PTPN1: variants seen among roughly 807,000 people sequenced by gnomAD.
PTPN1 encodes the protein protein tyrosine phosphatase non-receptor type 1.
PTPN1 carries 12 observed loss-of-function variants against 59.9 expected under a neutral mutation model. The observed-to-expected ratio is 0.20, with a 90% CI of 0.13 to 0.32. The LOEUF (loss-of-function observed/expected upper bound fraction) is 0.32. PTPN1 is among the 10% of genes least tolerant of loss of function. The probability of loss-of-function intolerance (pLI) is 1.00; values close to 1 mark genes in which losing one functional copy is unlikely to be tolerated. For synonymous variants in PTPN1, 178 were observed against 203.6 expected, an observed-to-expected ratio of 0.87 and a Z score of 1.07; for missense variants, 356 against 549.2, an observed-to-expected ratio of 0.65 and a Z score of 3.52.
At chr20:50,525,475 A>G (rs1395770103) in intron 1 of PTPN1, among the ~76,000 whole-genome samples, 1 of 152,240 alleles carries the variant, frequency 6.6e-6, no homozygotes, top group African/African-American at 2.4e-5. Context: ...ATATAGAAGC[A>G]GTCTCTCTGC....
chr20:50,528,721 A>T (rs1407997124), intron 1 of PTPN1, among the ~76,000 whole-genome samples: 1 of 151,052 alleles, frequency 6.6e-6, no homozygotes, highest in Non-Finnish European at 1.5e-5. Context: ...CTTAAAAAAA[A>T]AAAAGACTCC....
In PTPN1 at chr20:50,583,624, T is replaced by C. The variant is rs1025124861; in HGVS notation, c.*909T>C. The C allele has an allele frequency of 6.6e-6, 1 of 152,370 alleles. No individual in the cohort carries two copies. The highest frequency in any genetic ancestry group is 2.1e-4 in the South Asian group (1 of 4,836). 9.4% of individuals were successfully genotyped at this position (152,370 alleles called of 1,614,324 possible). A position where few individuals can be genotyped will look rare whatever the true frequency, so the allele number is the denominator to read the frequency against. On this transcript the variant is annotated 3_prime_UTR_variant, in exon 10 of 10. Transcript: ENST00000371621. ...GCCTGTGCATGACCTGATCATTACA[T>C]GGCTGTGGTTCCTAAGCCTGTTGCT...
intron 1 of PTPN1, among the ~76,000 whole-genome samples, chr20:50,531,480 T>C (rs1271726987): frequency 6.6e-6 from 1 of 151,990 alleles, no homozygotes; most frequent in Non-Finnish European, 1.5e-5. Context: ...GAGTTCAAGC[T>C]ATTCTCCTGC....
At chr20:50,547,743 C>T (rs542873009) in intron 1 of PTPN1, among the ~76,000 whole-genome samples, 2 of 152,184 alleles carry the variant, frequency 1.3e-5, no homozygotes, top group South Asian at 2.1e-4. Context: ...GATAGGATAC[C>T]CCATTTCTAG....
At chr20:50,569,647 C>CCTGTGTAGATTGT (rs1203690379) in intron 4 of PTPN1, among the ~76,000 whole-genome samples, 1 of 151,890 alleles carries the variant, frequency 6.6e-6, no homozygotes, top group Non-Finnish European at 1.5e-5. Flanking sequence ...TGTAGACTGT[C>CCTGTGTAGATTGT]CTGTGTAGAT....
At chr20:50,515,966 G>C (rs1351917095) in intron 1 of PTPN1, among the ~76,000 whole-genome samples, 1 of 152,164 alleles carries the variant, frequency 6.6e-6, no homozygotes, top group Non-Finnish European at 1.5e-5. Context: ...GCCAGTAGAA[G>C]CTGATACCAC....
chr20:50,510,523 C>G lies in PTPN1; in HGVS notation c.-5C>G, dbSNP rs1375361554. ...AAGGAGGCGCAGCAGCCGCCCTGGC[C>G]CGTCATGGAGATGGAAAAGGAGTTC... is the stretch of plus-strand genomic sequence containing the variant. On this transcript the variant is annotated 5_prime_UTR_variant, in exon 1 of 10. Transcript: ENST00000371621. 6.5e-7 allele frequency: 1 copy of G among 1,549,538 alleles called. No individual in the cohort carries two copies. The highest frequency in any genetic ancestry group is 1.4e-5 in the African/African-American group (1 of 72,860).
At chr20:50,562,050 A>G (rs2122778264) in intron 2 of PTPN1, among the ~76,000 whole-genome samples, 1 of 152,310 alleles carries the variant, frequency 6.6e-6, no homozygotes, top group East Asian at 1.9e-4. Context: ...GTAGCTGAAA[A>G]GTAAATAACT....
In PTPN1 at chr20:50,579,876, C is replaced by G. The variant is rs976787239; in HGVS notation, c.1038C>G (p.Ile346Met). ...EETQEDKDCP[I>M]KEEKGSPLNA... ...CCCAGGAGGATAAAGACTGCCCCAT[C>G]AAGGAAGAAAAAGGAAGCCCCTTAA... Residue 346 changes from isoleucine to methionine, a missense_variant, in exon 8 of 10, where the codon ATC becomes ATG. Physicochemically the swap from Ile to Met is conservative, Grantham distance 10 (BLOSUM62 1). This residue lies in a region of PTPN1 where 100 missense variants were observed against 107.7 expected (regional missense o/e 0.93). Transcript: ENST00000371621. 3.7e-6 allele frequency: 6 copies of G among 1,614,046 alleles called. No homozygotes were observed. The African/African-American group carries it at 5.3e-5, about 14-fold the overall frequency.
At chr20:50,521,033 C>T (rs1414614336) in intron 1 of PTPN1, among the ~76,000 whole-genome samples, 1 of 152,146 alleles carries the variant, frequency 6.6e-6, no homozygotes, top group Non-Finnish European at 1.5e-5. Flanking sequence ...ATGGCTGTGC[C>T]TGATCCCCCT....
chr20:50,515,828 G>T (rs1297473702), intron 1 of PTPN1, among the ~76,000 whole-genome samples: 1 of 152,190 alleles, frequency 6.6e-6, no homozygotes, highest in East Asian at 1.9e-4. Context: ...AAATAGATTA[G>T]CCCACATTAG....
intron 1 of PTPN1, among the ~76,000 whole-genome samples, chr20:50,547,711 C>T (rs1299466621): frequency 6.6e-6 from 1 of 152,214 alleles, no homozygotes; most frequent in East Asian, 1.9e-4. Flanking sequence ...GTTGCTTTCA[C>T]TGACAACAGT....
At chr20:50,554,479 A>AT (rs2082717520) in intron 1 of PTPN1, among the ~76,000 whole-genome samples, 1 of 152,126 alleles carries the variant, frequency 6.6e-6, no homozygotes, top group Admixed American at 6.6e-5. Context: ...GCAGACTAGC[A>AT]TAAAAAAAAG....
intron 1 of PTPN1, among the ~76,000 whole-genome samples, chr20:50,551,629 G>GAGA (rs1300231630): frequency 6.6e-6 from 1 of 152,198 alleles, no homozygotes; most frequent in African/African-American, 2.4e-5. Flanking sequence ...TCTACACTAA[G>GAGA]AGAAAGGAGG....
intron 1 of PTPN1, among the ~76,000 whole-genome samples, chr20:50,542,866 C>G (rs1351667624): frequency 9.2e-5 from 14 of 152,172 alleles, no homozygotes; most frequent in African/African-American, 3.1e-4. Context: ...AAAGATCTTG[C>G]ATCTGTTGCC....
chr20:50,514,390 G>T (rs1477463893), intron 1 of PTPN1, among the ~76,000 whole-genome samples: 1 of 152,220 alleles, frequency 6.6e-6, no homozygotes, highest in Non-Finnish European at 1.5e-5. Flanking sequence ...TCCTGTGGAG[G>T]TTTTTTGACT....
At chr20:50,526,085 GTA>G (rs1192267478) in intron 1 of PTPN1, among the ~76,000 whole-genome samples, 1 of 152,148 alleles carries the variant, frequency 6.6e-6, no homozygotes, top group Non-Finnish European at 1.5e-5. Context: ...CACATAGGGT[GTA>G]TGTGTGTGTG....
intron 1 of PTPN1, among the ~76,000 whole-genome samples, chr20:50,536,581 G>C (rs2082624941): frequency 6.6e-6 from 1 of 152,226 alleles, no homozygotes; most frequent in African/African-American, 2.4e-5. Context: ...AGAACACAGG[G>C]AAGGCGTGTG....
At chr20:50,571,787 G>A (rs2082809979) in intron 4 of PTPN1, 1 of 152,324 alleles carries the variant, frequency 6.6e-6, no homozygotes, top group Middle Eastern at 3.4e-3. Flanking sequence ...CTGCACCATG[G>A]CGTAAGGGTT....
Sources: allele counts gnomAD v4.1 joint callset (sites outside exome capture counted in the v4.1 genomes callset), GRCh38; gene constraint gnomAD v4.1.1; regional missense constraint gnomAD v4.1.1; transcripts MANE v1.5; gene names NCBI Gene and HGNC (gene_info 2026-07-23, HGNC 2026-07-21).